Variants in SRRM1 observed in about 807,000 individuals in gnomAD.
SRRM1 encodes the protein serine and arginine repetitive matrix 1, also known as serine/arginine repetitive matrix protein 1.
Under a neutral mutation model 110.2 loss-of-function variants are expected in SRRM1, and 19 were observed. The ratio of observed to expected loss-of-function variants is 0.17; its 90% CI spans 0.12 to 0.25. The LOEUF is 0.25. SRRM1 is among the 10% of genes least tolerant of loss of function. The probability of loss-of-function intolerance (pLI) is 1.00; values close to 1 mark genes in which losing one functional copy is unlikely to be tolerated. For synonymous variants in SRRM1, 443 were observed against 414.9 expected (o/e 1.07, Z -0.82); for missense variants, 918 against 1,145.8 (o/e 0.80, Z 2.87).
At chr1:24,663,990 T>C (rs1668583928) in intron 12 of SRRM1, among the ~76,000 whole-genome samples, 2 of 133,820 alleles carry the variant, frequency 1.5e-5, no homozygotes, top group African/African-American at 5.4e-5. Flanking sequence ...TAGCTCTCTT[T>C]TTTTTTTTTT....
rs1659706059 is a variant in SRRM1, at chr1:24,650,000, A to G, written c.435A>G (p.Lys145=). The G allele has an allele frequency of 6.3e-7, 1 of 1,591,664 alleles. No homozygotes were observed. The highest frequency in any genetic ancestry group is 1.4e-5 in the African/African-American group (1 of 73,818). The part of the protein sequence containing the change: ...QIEQEKLASM[K]KQDEDKDKRD... ...AACAAGAAAAACTGGCATCTATGAA[A>G]AAGCAAGATGAAGACAAAGATAAAA... The change falls in exon 5 of 17, where the codon AAA becomes AAG. Residue 145 remains lysine (K), a synonymous_variant. Transcript: ENST00000323848.
chr1:24,653,412 T>A (rs995789603), intron 8 of SRRM1, among the ~76,000 whole-genome samples: 1 of 152,206 alleles, frequency 6.6e-6, no homozygotes, highest in African/African-American at 2.4e-5. Context: ...GTAATTCATT[T>A]GCTGTTATAC....
At chr1:24,659,464 G>A (rs1666033313) in intron 9 of SRRM1, among the ~76,000 whole-genome samples, 1 of 152,222 alleles carries the variant, frequency 6.6e-6, no homozygotes, top group East Asian at 1.9e-4. Context: ...CAAATTGTCT[G>A]TAGGTTTATT....
At chr1:24,658,415 T>C (rs1228779568) in intron 9 of SRRM1, among the ~76,000 whole-genome samples, 1 of 152,166 alleles carries the variant, frequency 6.6e-6, no homozygotes, top group Non-Finnish European at 1.5e-5. Context: ...AGCTGAGTAA[T>C]TAGTGAGAAA....
At chr1:24,661,578 T>C (rs1294696353) in intron 11 of SRRM1, among the ~76,000 whole-genome samples, 182 bp downstream of exon 11, 2 of 152,204 alleles carry the variant, frequency 1.3e-5, no homozygotes, top group Non-Finnish European at 2.9e-5. Context: ...TTCTGTTACA[T>C]TGTTATAAAA....
Position 24,669,356 on chromosome 1 carries a change from C to T in SRRM1, c.1973C>T (p.Ser658Phe), listed in dbSNP as rs756995895. The T allele has an allele frequency of 4.6e-5, 74 of 1,614,182 alleles. 1 individual carries two copies. The South Asian group carries it at 8.1e-4, about 18-fold the overall frequency. ...AAGAGACGTTCACCTTCATTATCAT[C>T]CAAGCATAGGAAAGGGTCTTCCCCA... ...VTKRRSPSLSSKHRKGSSPSR... is the reference protein window; with the variant it reads ...VTKRRSPSLSFKHRKGSSPSR... The change falls in exon 14 of 17, where the codon TCC (serine) becomes TTC (phenylalanine). Residue 658 changes from serine (S) to phenylalanine (F), a missense_variant. Physicochemically the swap from Ser to Phe is radical, Grantham distance 155. This residue lies in a region of SRRM1 where 357 missense variants were observed against 402.9 expected (regional missense o/e 0.89). Transcript: ENST00000323848.
intron 6 of SRRM1, among the ~76,000 whole-genome samples, chr1:24,652,130 G>A (rs990485712): frequency 1.4e-5 from 2 of 147,392 alleles, no homozygotes; most frequent in African/African-American, 5.0e-5. Flanking sequence ...CTACTCAGGA[G>A]GATCACTTGA....
At position 24,652,287 on chromosome 1, in the gene SRRM1, C is replaced by T. The variant is rs556542231; in HGVS notation, c.726-147C>T. The T allele has an allele frequency of 5.5e-6, 3 of 548,736 alleles. No individual in the cohort carries two copies. In the African/African-American group the frequency reaches 5.9e-5, roughly 11 times the overall value. The allele number at this position is 548,736 out of a possible 1,614,324, so 34.0% of individuals were successfully genotyped here. A position where few individuals can be genotyped will look rare whatever the true frequency, so the allele number is the denominator to read the frequency against. ...GCTCTCTGGGTTTCAGTGATAGGTA[C>T]ATACATACTTATGTGTCTTTTGGAG... On this transcript the variant is annotated intron_variant, in intron 6 of 16. Transcript: ENST00000323848.
chr1:24,649,983 A>C lies in SRRM1; in HGVS notation c.418A>C (p.Lys140Gln). Residue 140 changes from lysine (K) to glutamine (Q), a missense_variant, in exon 5 of 17, where the codon AAA (lysine) becomes CAA (glutamine). Physicochemically the swap from Lys to Gln is moderately conservative, Grantham distance 53. Coordinates refer to ENST00000323848, the MANE Select transcript of SRRM1 (RefSeq NM_005839.4). ...CTGGTCTTTGCAGATTGAACAAGAA[A>C]AACTGGCATCTATGAAAAAGCAAGA... ...EIKQRQIEQE[K>Q]LASMKKQDED... 3 of 1,584,714 alleles carry C rather than the reference A, an allele frequency of 1.9e-6. No homozygotes were observed. Among genetic ancestry groups the C allele is most frequent in the Non-Finnish European group, 2.6e-6 (3 of 1,167,824 alleles).
chr1:24,655,380 G>A (rs1375605384), intron 9 of SRRM1, among the ~76,000 whole-genome samples: 1 of 152,170 alleles, frequency 6.6e-6, no homozygotes, highest in Non-Finnish European at 1.5e-5. Flanking sequence ...TTTACCAGCC[G>A]TGGGCTGTTT....
intron 12 of SRRM1, among the ~76,000 whole-genome samples, chr1:24,664,809 A>T (rs1669073892): frequency 6.6e-6 from 1 of 152,174 alleles, no homozygotes; most frequent in African/African-American, 2.4e-5. Context: ...AGTTGCTAGC[A>T]CAGCAACTAA....
Position 24,651,421 on chromosome 1 carries a change from A to T in SRRM1, c.534A>T (p.Arg178Ser). 6.2e-7 allele frequency: 1 copy of T among 1,613,878 alleles called. No homozygotes were observed. Among genetic ancestry groups the T allele is most frequent in the Non-Finnish European group, 8.5e-7 (1 of 1,179,922 alleles). ...ACTTTCATCCTAGACGCAAATCCAG[A>T]TCTCCTTCCCCTAGAAGACGATCTT... ...RSRSPRRRKS[R>S]SPSPRRRSSP... is the part of the protein sequence containing the mutation. The change falls in exon 6 of 17, where the codon AGA (arginine) becomes AGT (serine). Residue 178 changes from arginine (R) to serine (S), a missense_variant. Physicochemically the swap from Arg to Ser is moderately radical, Grantham distance 110 (BLOSUM62 -1). Coordinates refer to ENST00000323848, the MANE Select transcript of SRRM1 (RefSeq NM_005839.4).
At chr1:24,662,524 T>C (rs111242816) in intron 11 of SRRM1, 136 bp from the exon 12 acceptor site, 357 of 663,030 alleles carry the variant, frequency 5.4e-4, no homozygotes, top group African/African-American at 2.3e-3. Context: ...ATATTGATAA[T>C]GATTCTGTTC....
chr1:24,663,148 A>C lies in SRRM1; in HGVS notation c.1628+344A>C, dbSNP rs1234171233. On this transcript the variant is annotated intron_variant, in intron 12 of 16. Transcript: ENST00000323848. ...CCCAAGTAAATAATTTAGTGAATGG[A>C]ATTCTTGACATTTGTTTTTCTCCAC... 3.3e-6 allele frequency: 5 copies of C among 1,493,914 alleles called. No homozygotes were observed. In the South Asian group the frequency reaches 6.5e-5, roughly 19 times the overall value. 92.5% of individuals were successfully genotyped at this position (1,493,914 alleles called of 1,614,324 possible). A position where few individuals can be genotyped will look rare whatever the true frequency, so the allele number is the denominator to read the frequency against.
intron 1 of SRRM1, among the ~76,000 whole-genome samples, chr1:24,644,657 TA>T (rs1656260491): frequency 6.6e-6 from 1 of 152,246 alleles, no homozygotes; most frequent in Non-Finnish European, 1.5e-5. Context: ...GTAAGATACT[TA>T]TTTTGGAATG....
In SRRM1 at chr1:24,660,811, G is replaced by GTT. The variant is rs58604320; in HGVS notation, c.1396+20_1396+21dup. On this transcript the variant is annotated intron_variant, in intron 10 of 16. Coordinates refer to ENST00000323848, the MANE Select transcript of SRRM1 (RefSeq NM_005839.4). ...GTTATCTGAATCGGGTAAGTTTGTTGTTTTTTTTTGTGATTTTGGTTTGTT... is the reference window on the plus strand; with the variant it reads ...GTTATCTGAATCGGGTAAGTTTGTTGTTTTTTTTTTTGTGATTTTGGTTTGTT... 111 of 1,514,386 alleles carry GTT rather than the reference G, an allele frequency of 7.3e-5. No homozygotes were observed. The African/African-American group carries it at 8.3e-4, about 11-fold the overall frequency. 93.8% of individuals were successfully genotyped at this position (1,514,386 alleles called of 1,614,324 possible).
chr1:24,643,694 G>A (rs965603853), intron 1 of SRRM1: 1 of 336,080 alleles, frequency 3.0e-6, no homozygotes, highest in African/African-American at 2.1e-5. Flanking sequence ...GGAGCCGGAG[G>A]AGGAAGTCCC....
chr1:24,653,119 TG>T, intron 8 of SRRM1, 87 bp downstream of exon 8: 2 of 1,325,208 alleles, frequency 1.5e-6, no homozygotes, highest in Non-Finnish European at 2.1e-6. Flanking sequence ...TAGTGTCCCC[TG>T]GAAGAAAGAA....
chr1:24,653,730 G>A (rs1662385371), intron 8 of SRRM1, among the ~76,000 whole-genome samples: 1 of 152,170 alleles, frequency 6.6e-6, no homozygotes, highest in South Asian at 2.1e-4. Context: ...TCTACCCAAA[G>A]TAGAGTCCTA....
Sources: gnomAD v4.1 joint callset for allele counts (sites outside exome capture counted in the v4.1 genomes callset) on GRCh38, gnomAD v4.1.1 for gene constraint, gnomAD v4.1.1 regional missense constraint, MANE v1.5 for transcripts, NCBI Gene and HGNC (gene_info 2026-07-23, HGNC 2026-07-21) for gene names.